Variants in TTC39A observed in about 807,000 individuals in gnomAD.
TTC39A encodes the protein tetratricopeptide repeat protein 39A.
A neutral mutation model predicts 82.3 loss-of-function variants in TTC39A; 46 were observed. That is an observed-to-expected ratio of 0.56 (90% confidence interval 0.44 to 0.71). TTC39A has a LOEUF of 0.71. TTC39A is among the 30% of genes least tolerant of loss of function. The pLI, the probability that TTC39A is intolerant of heterozygous loss-of-function variation, is 0.00. For missense variants in TTC39A, 543 were observed against 712.9 expected (o/e 0.76, Z 2.71); for synonymous variants, 254 against 275.2 (o/e 0.92, Z 0.76).
intron 2 of TTC39A, 134 bp from the exon 3 acceptor site, chr1:51,313,077 C>A: frequency 8.1e-7 from 1 of 1,239,958 alleles, no homozygotes; most frequent in East Asian, 2.4e-5. Flanking sequence ...CGGGGAGGGC[C>A]TTGGCCAGGT....
chr1:51,308,215 C>G (rs1333730727), intron 6 of TTC39A, among the ~76,000 whole-genome samples: 1 of 151,764 alleles, frequency 6.6e-6, no homozygotes, highest in Non-Finnish European at 1.5e-5. Context: ...ACCTTATCTA[C>G]TCTCTATAAA....
intron 7 of TTC39A, chr1:51,305,429 C>G (rs563719287): frequency 2.6e-6 from 1 of 387,392 alleles, no homozygotes; most frequent in East Asian, 5.9e-5. Context: ...CTCCCTTGAT[C>G]AGGCAGTTTT....
Position 51,321,704 on chromosome 1 carries a change from C to CGG in TTC39A, c.146+15_146+16dup. The CGG allele has an allele frequency of 6.2e-7, 1 of 1,612,152 alleles. No individual in the cohort carries two copies. The highest frequency in any genetic ancestry group is 1.3e-5 in the African/African-American group (1 of 75,042). On this transcript the variant is annotated intron_variant, in intron 2 of 17. Transcript: ENST00000680483. This position sits in a 1 kb window ranked among gnomAD's most constrained non-coding sequence, Gnocchi z 4.6. ...CGTCATGCACACCCCCTACCCCAAC[C>CGG]GGGGCTTGAGCCTCACCTGGGCTTG...
chr1:51,290,264 G>A, intron 15 of TTC39A, 145 bp from the exon 16 acceptor site: 1 of 796,728 alleles, frequency 1.3e-6, no homozygotes, highest in East Asian at 2.7e-5. Context: ...CATCTAAGAA[G>A]GAAAGGCAAA....
chr1:51,338,142 T>A (rs1645996787), intron 1 of TTC39A, among the ~76,000 whole-genome samples: 2 of 152,156 alleles, frequency 1.3e-5, no homozygotes, highest in African/African-American at 2.4e-5. Flanking sequence ...CCACCGAATA[T>A]TAAAAAGAAA....
rs1286607831 is a variant in TTC39A, at chr1:51,296,173, G to A, written c.1054-3C>T. On this transcript the variant is annotated splice_polypyrimidine_tract_variant and splice_region_variant and intron_variant, in intron 12 of 17. Transcript: ENST00000680483. ...GCCTTCATGTAAATGTAGGTGGCCT[G>A]TGCGAGACAGAGCAACAGCCAGGTG... The A allele has an allele frequency of 1.9e-6, 3 of 1,584,632 alleles. No individual in the cohort carries two copies. Among genetic ancestry groups the A allele is most frequent in the South Asian group, 1.2e-5 (1 of 86,670 alleles).
intron 12 of TTC39A, 85 bp from the exon 13 acceptor site, chr1:51,296,255 G>A: frequency 2.3e-6 from 3 of 1,319,536 alleles, no homozygotes; most frequent in Non-Finnish European, 3.2e-6. Context: ...ACCTCACGTG[G>A]CCCAGCACAG....
intron 5 of TTC39A, among the ~76,000 whole-genome samples, chr1:51,310,181 G>A (rs1015620564): frequency 6.6e-5 from 10 of 152,122 alleles, no homozygotes; most frequent in African/African-American, 2.4e-4. Flanking sequence ...AGGTTGCAGT[G>A]AGCCAAGATC....
chr1:51,333,098 G>T (rs898385221), upstream of TTC39A, among the ~76,000 whole-genome samples: 1 of 151,888 alleles, frequency 6.6e-6, no homozygotes, highest in Non-Finnish European at 1.5e-5. Context: ...TGTAATCTCA[G>T]CTACTCGGGA....
chr1:51,305,528 C>T, intron 7 of TTC39A: 1 of 307,698 alleles, frequency 3.2e-6, no homozygotes, highest in Non-Finnish European at 6.2e-6. Context: ...GATGCTCACC[C>T]CCTCCCGTAG....
intron 1 of TTC39A, among the ~76,000 whole-genome samples, chr1:51,328,383 G>T (rs1645791200): frequency 6.6e-6 from 1 of 152,180 alleles, no homozygotes; most frequent in African/African-American, 2.4e-5. Context: ...ACATAGGGTG[G>T]TATATCACAC....
At position 51,301,749 on chromosome 1, in the gene TTC39A, G is replaced by A. The variant is rs1644666185; in HGVS notation, c.892-16C>T. The A allele has an allele frequency of 6.3e-7, 1 of 1,596,760 alleles. No individual in the cohort carries two copies. The stretch of plus-strand genomic sequence containing the variant: ...GCCGGATGGCCTGCAGGCACCTTCT[G>A]GTCAGCCTGACGGGTGCCCACCCAG... On this transcript the variant is annotated splice_polypyrimidine_tract_variant and intron_variant, in intron 11 of 17. Transcript: ENST00000680483.
chr1:51,288,903 G>A lies in TTC39A; in HGVS notation c.1546C>T (p.Leu516=), dbSNP rs778884319. The change falls in exon 17 of 18, where the codon CTG becomes TTG. Residue 516 remains leucine (L), a synonymous_variant. Transcript: ENST00000680483. The surrounding 1 kb of genome is among the most constrained non-coding windows in gnomAD (Gnocchi z 4.8). ...TCTTGCTCCATAAGCAGCAGGGCCA[G>A]CTCCAGCAGGGCGTTTGGGATCAAG... ...HYLIPNALLE[L]ALLLMEQDRN... 21 of 1,612,282 alleles carry A rather than the reference G, an allele frequency of 1.3e-5. 1 individual carries two copies. In the South Asian group the frequency reaches 2.3e-4, roughly 18 times the overall value.
chr1:51,333,927 C>A (rs1357764675), upstream of TTC39A, among the ~76,000 whole-genome samples: 1 of 152,168 alleles, frequency 6.6e-6, no homozygotes, highest in African/African-American at 2.4e-5. Context: ...AGGCTTTTTA[C>A]ATGCTACACA....
At position 51,301,714 on chromosome 1, in the gene TTC39A, T is replaced by C; in HGVS notation, c.911A>G (p.Glu304Gly). 1 of 1,608,006 alleles carries C rather than the reference T, an allele frequency of 6.2e-7. No homozygotes were observed. Among genetic ancestry groups the C allele is most frequent in the South Asian group, 1.1e-5 (1 of 91,004 alleles). The change falls in exon 12 of 18, where the codon GAG becomes GGG. Residue 304 changes from glutamate to glycine, a missense_variant. Coordinates refer to ENST00000680483, the MANE Select transcript of TTC39A (RefSeq NM_001297663.2). ...CCAGTGCTGCTGGGCCTCACAGCAC[T>C]CCTCGAAACGCCGGATGGCCTGCAG... is the stretch of plus-strand genomic sequence containing the variant. ...NIDAAIRRFEECCEAQQHWKQ... is the reference protein window; with the variant it reads ...NIDAAIRRFEGCCEAQQHWKQ...
chr1:51,289,984 A>G lies in TTC39A; in HGVS notation c.1493+21T>C. 2.5e-6 allele frequency: 4 copies of G among 1,597,930 alleles called. No individual in the cohort carries two copies. In the South Asian group the frequency reaches 3.3e-5, roughly 13 times the overall value. On this transcript the variant is annotated intron_variant, in intron 16 of 17. Coordinates refer to ENST00000680483, the MANE Select transcript of TTC39A (RefSeq NM_001297663.2). ...ACCCAGGAGACTCAGACCCAGAAGG[A>G]GCAGCTGCAGAGGCACTTACTTGGC...
intron 1 of TTC39A, among the ~76,000 whole-genome samples, chr1:51,342,269 C>G (rs936217490): frequency 1.3e-5 from 2 of 152,170 alleles, no homozygotes; most frequent in Admixed American, 6.5e-5. Flanking sequence ...ACCATTGACT[C>G]TGAAGCCTTT....
upstream of TTC39A, among the ~76,000 whole-genome samples, chr1:51,334,532 G>A (rs927373443): frequency 3.9e-5 from 6 of 151,932 alleles, no homozygotes; most frequent in Admixed American, 2.0e-4. Flanking sequence ...CATGGGGTAC[G>A]TAGTCCCAGC....
chr1:51,302,348 A>G lies in TTC39A; in HGVS notation c.891+9T>C, dbSNP rs375414067. On this transcript the variant is annotated intron_variant, in intron 11 of 17. Transcript: ENST00000680483. The stretch of plus-strand genomic sequence containing the variant: ...ATCCCCAGCCCCGGCCCGGACCCCC[A>G]TCACTCACTGCATCAATGTTGCCTT... 101 of 1,589,786 alleles carry G rather than the reference A, an allele frequency of 6.4e-5. No individual in the cohort carries two copies. Among genetic ancestry groups the G allele is most frequent in the Non-Finnish European group, 8.2e-5 (96 of 1,169,674 alleles).
Sources: allele counts gnomAD v4.1 joint callset (sites outside exome capture counted in the v4.1 genomes callset), GRCh38; gene constraint gnomAD v4.1.1; non-coding constraint Gnocchi (gnomAD v3.1); transcripts MANE v1.5; gene names NCBI Gene and HGNC (gene_info 2026-07-23, HGNC 2026-07-21).